Variants in RAPGEF2 observed in about 807,000 individuals in gnomAD.
RAPGEF2 encodes PDZ domain containing guanine nucleotide exchange factor (GEF) 1.
Under a neutral mutation model 186.7 loss-of-function variants are expected in RAPGEF2, and 54 were observed. The observed-to-expected ratio is 0.29, with a 90% CI of 0.23 to 0.36. The LOEUF (loss-of-function observed/expected upper bound fraction) is 0.36, where lower values mean the gene tolerates loss of function less well. Among genes scored for constraint, RAPGEF2 ranks in the 10% least tolerant of loss-of-function variants. The pLI, the probability that RAPGEF2 is intolerant of heterozygous loss-of-function variation, is 1.00. For missense variants in RAPGEF2, 1,532 were observed against 2,045.0 expected, an observed-to-expected ratio of 0.75 and a Z score of 4.84; for synonymous variants, 712 against 705.9, an observed-to-expected ratio of 1.01 and a Z score of -0.14.
intron 1 of RAPGEF2, among the ~76,000 whole-genome samples, chr4:159,160,128 A>G (rs1032356265): frequency 6.6e-6 from 1 of 152,236 alleles, no homozygotes; most frequent in Non-Finnish European, 1.5e-5. Context: ...CAAAGGCTTT[A>G]GTCTGTTACG....
chr4:159,322,126 T>C (rs1191571566), intron 9 of RAPGEF2, among the ~76,000 whole-genome samples: 2 of 152,230 alleles, frequency 1.3e-5, no homozygotes, highest in Non-Finnish European at 2.9e-5. Flanking sequence ...CAATAAAAAC[T>C]GTTGCCTCTA....
chr4:159,341,838 C>A lies in RAPGEF2; in HGVS notation c.2809C>A (p.Leu937Ile). Residue 937 changes from leucine to isoleucine, a missense_variant, in exon 20 of 30, where the codon CTC (leucine) becomes ATC (isoleucine). Leu to Ile is a conservative substitution (Grantham distance 5). Transcript: ENST00000691494. ...AACATTTTGGGTAGCATCTGAAATT[C>A]TCAGAGAAACAAACCAGCTGAAGAG... ...QETFWVASEI[L>I]RETNQLKRMK... The A allele has an allele frequency of 6.2e-7, 1 of 1,613,032 alleles. No individual in the cohort carries two copies. The highest frequency in any genetic ancestry group is 8.5e-7 in the Non-Finnish European group (1 of 1,179,730).
At chr4:159,277,416 T>C (rs1329594708) in intron 7 of RAPGEF2, among the ~76,000 whole-genome samples, 1 of 152,232 alleles carries the variant, frequency 6.6e-6, no homozygotes. Flanking sequence ...CAGCATATGA[T>C]TTATAATCCT....
intron 4 of RAPGEF2, among the ~76,000 whole-genome samples, chr4:159,238,020 A>C (rs1753495333): frequency 7.1e-6 from 1 of 141,604 alleles, no homozygotes; most frequent in Non-Finnish European, 1.5e-5. Context: ...CTTGTCTCTT[A>C]AAAAAAAAAA....
chr4:159,241,017 A>G, intron 5 of RAPGEF2, 184 bp from the exon 6 acceptor site: 1 of 471,204 alleles, frequency 2.1e-6, no homozygotes, highest in Non-Finnish European at 3.7e-6. Context: ...CATAAAAGAA[A>G]TGTTACTCAA....
intron 4 of RAPGEF2, among the ~76,000 whole-genome samples, chr4:159,231,214 C>T (rs188636012): frequency 1.8e-4 from 27 of 152,218 alleles, no homozygotes; most frequent in Non-Finnish European, 3.7e-4. Flanking sequence ...GCTGTATCAT[C>T]TAGCCTAGGT....
chr4:159,131,746 G>A (rs773803393), intron 1 of RAPGEF2, among the ~76,000 whole-genome samples: 1 of 151,442 alleles, frequency 6.6e-6, no homozygotes, highest in Non-Finnish European at 1.5e-5. Flanking sequence ...CAGTCCTACA[G>A]CCCGGCATCT....
At chr4:159,332,339 G>A (rs1245511341) in intron 16 of RAPGEF2, 112 bp from the exon 17 acceptor site, 1 of 1,162,672 alleles carries the variant, frequency 8.6e-7, no homozygotes, top group Admixed American at 2.4e-5. Flanking sequence ...TTGCAGTTTT[G>A]ATAACTGAAG....
At chr4:159,156,735 C>CGGT (rs1471208135) in intron 1 of RAPGEF2, among the ~76,000 whole-genome samples, 4 of 152,064 alleles carry the variant, frequency 2.6e-5, no homozygotes, top group African/African-American at 7.2e-5. Context: ...TGAGAACCTG[C>CGGT]GGTGTTTGGT....
chr4:159,302,147 T>C (rs996133360), intron 7 of RAPGEF2, among the ~76,000 whole-genome samples: 2 of 152,176 alleles, frequency 1.3e-5, no homozygotes, highest in African/African-American at 2.4e-5. Context: ...GATGAATAGA[T>C]TGTGGTATCT....
intron 1 of RAPGEF2, among the ~76,000 whole-genome samples, chr4:159,112,069 G>T (rs1049378330): frequency 6.6e-6 from 1 of 152,118 alleles, no homozygotes; most frequent in South Asian, 2.1e-4. Flanking sequence ...AATTGGAATC[G>T]TACAGTATAT....
At chr4:159,164,074 A>G (rs964970270) in intron 1 of RAPGEF2, among the ~76,000 whole-genome samples, 1 of 150,436 alleles carries the variant, frequency 6.6e-6, no homozygotes, top group Non-Finnish European at 1.5e-5. Flanking sequence ...GCGCAATCTC[A>G]GCTCACTGCA....
At chr4:159,234,710 C>G (rs1466650340) in intron 4 of RAPGEF2, among the ~76,000 whole-genome samples, 1 of 151,924 alleles carries the variant, frequency 6.6e-6, no homozygotes, top group Non-Finnish European at 1.5e-5. Context: ...GATCTGCCTG[C>G]CTCTGCCTCC....
chr4:159,291,457 G>A (rs928989882), intron 7 of RAPGEF2, among the ~76,000 whole-genome samples: 1 of 151,986 alleles, frequency 6.6e-6, no homozygotes, highest in African/African-American at 2.4e-5. Flanking sequence ...CATCACACCC[G>A]GCTAATTTTT....
At chr4:159,120,283 G>A (rs181831305) in intron 1 of RAPGEF2, among the ~76,000 whole-genome samples, 2 of 152,286 alleles carry the variant, frequency 1.3e-5, no homozygotes, top group Non-Finnish European at 2.9e-5. Flanking sequence ...GCCTCCCAAA[G>A]TTCTAGGATT....
At chr4:159,265,910 A>G (rs1473918078) in intron 7 of RAPGEF2, among the ~76,000 whole-genome samples, 2 of 152,160 alleles carry the variant, frequency 1.3e-5, no homozygotes, top group African/African-American at 4.8e-5. Flanking sequence ...TGTTAAGGAA[A>G]CTCTTAGATG....
intron 19 of RAPGEF2, among the ~76,000 whole-genome samples, chr4:159,339,804 C>T (rs1729133102): frequency 6.6e-6 from 1 of 152,154 alleles, no homozygotes; most frequent in South Asian, 2.1e-4. Context: ...TAGGAGCTTC[C>T]TTAGTTTAGG....
chr4:159,320,469 T>A (rs1321337361), intron 9 of RAPGEF2, among the ~76,000 whole-genome samples: 3 of 152,310 alleles, frequency 2.0e-5, no homozygotes, highest in South Asian at 2.1e-4. Flanking sequence ...ACTTATTTTT[T>A]AAAAAATACT....
intron 7 of RAPGEF2, among the ~76,000 whole-genome samples, chr4:159,261,334 T>C (rs544543020): frequency 1.3e-5 from 2 of 152,162 alleles, no homozygotes; most frequent in East Asian, 3.9e-4. Flanking sequence ...AGTGCTGGGA[T>C]TACGGGCGTG....
Sources: gnomAD v4.1 joint callset for allele counts (sites outside exome capture counted in the v4.1 genomes callset) on GRCh38, gnomAD v4.1.1 for gene constraint, MANE v1.5 for transcripts, NCBI Gene and HGNC (gene_info 2026-07-23, HGNC 2026-07-21) for gene names.